The following DMBT1 variants were observed in gnomAD, a reference collection of about 807,000 sequenced individuals.
The protein encoded by DMBT1 is deleted in malignant brain tumors 1.
In DMBT1, 198 loss-of-function variants were observed where a neutral mutation model predicts 252.9. The ratio of observed to expected loss-of-function variants is 0.78; its 90% CI spans 0.70 to 0.88. DMBT1 has a LOEUF of 0.88. Among genes scored for constraint, DMBT1 ranks in the 40% least tolerant of loss-of-function variants. The pLI, the probability that DMBT1 is intolerant of heterozygous loss-of-function variation, is 0.00. For synonymous variants in DMBT1, 990 were observed against 942.7 expected (o/e 1.05, Z -0.92); for missense variants, 2,432 against 2,404.7 (o/e 1.01, Z -0.24).
chr10:122,577,469 C>A (rs546751378), intron 7 of DMBT1, among the ~76,000 whole-genome samples: 1 of 152,148 alleles, frequency 6.6e-6, no homozygotes, highest in Admixed American at 6.5e-5. Flanking sequence ...TCAGACTCAT[C>A]GCAGCTCAAG....
intron 25 of DMBT1, among the ~76,000 whole-genome samples, chr10:122,598,346 C>T (rs1034072149): frequency 3.9e-5 from 6 of 152,072 alleles, no homozygotes; most frequent in South Asian, 2.1e-4. Flanking sequence ...TGTGAAGAGT[C>T]GGTGGAAGTG....
chr10:122,625,797 A>C, intron 45 of DMBT1, 136 bp from the exon 46 acceptor site: 1 of 749,896 alleles, frequency 1.3e-6, no homozygotes, highest in Non-Finnish European at 2.4e-6. Flanking sequence ...GGCCATGAAC[A>C]GTGTAAACTG....
At chr10:122,590,640 T>A in intron 17 of DMBT1, 25 bp from the exon 18 acceptor site, 1 of 1,587,576 alleles carries the variant, frequency 6.3e-7, no homozygotes, top group Non-Finnish European at 8.6e-7. Flanking sequence ...ATAGTGCATC[T>A]GATCTGACCT....
intron 1 of DMBT1, 109 bp from the exon 2 acceptor site, chr10:122,565,858 C>T (rs1237114846): frequency 1.1e-5 from 12 of 1,051,616 alleles, no homozygotes; most frequent in Non-Finnish European, 1.6e-5. Flanking sequence ...CAAGATTGAG[C>T]CACAGCGCCC....
intron 25 of DMBT1, 137 bp from the exon 26 acceptor site, chr10:122,598,637 C>T (rs943369963): frequency 6.5e-6 from 10 of 1,534,578 alleles, no homozygotes; most frequent in Admixed American, 3.9e-5. Context: ...AGCTGAATCT[C>T]TGATTTTATT....
intron 26 of DMBT1, among the ~76,000 whole-genome samples, chr10:122,599,702 C>T (rs1177094215): frequency 6.6e-6 from 1 of 152,194 alleles, no homozygotes; most frequent in Non-Finnish European, 1.5e-5. Flanking sequence ...CAGGCATGGC[C>T]TTGTCATTGC....
At chr10:122,564,070 G>A (rs1348996340) in intron 1 of DMBT1, among the ~76,000 whole-genome samples, 8 of 152,184 alleles carry the variant, frequency 5.3e-5, no homozygotes, top group Non-Finnish European at 4.4e-5. Flanking sequence ...TTTCTATTGC[G>A]AGTTTCTTCT....
rs772557779 is a variant in DMBT1, at chr10:122,592,472, G to A, written c.2377G>A (p.Gly793Arg). 2 of 1,588,074 alleles carry A rather than the reference G, an allele frequency of 1.3e-6. No homozygotes were observed. The highest frequency in any genetic ancestry group is 1.7e-6 in the Non-Finnish European group (2 of 1,165,630). ...AAATGCCCGGTTTGGCCAGGGCTCAGGACCCATTGTTCTGGATGATGTGCG... is the reference window on the plus strand; with the variant it reads ...AAATGCCCGGTTTGGCCAGGGCTCAAGACCCATTGTTCTGGATGATGTGCG... ...PGNARFGQGS[G>R]PIVLDDVRCS... Residue 793 changes from glycine to arginine, a missense_variant, in exon 20 of 56, where the codon GGA becomes AGA. By Grantham distance (125) the Gly-to-Arg change is moderately radical. Coordinates refer to ENST00000338354, the MANE Select transcript of DMBT1 (RefSeq NM_001377530.1).
chr10:122,586,643 C>G (rs533122137), intron 16 of DMBT1, among the ~76,000 whole-genome samples: 7 of 148,208 alleles, frequency 4.7e-5, no homozygotes, highest in African/African-American at 7.3e-5. Flanking sequence ...AGGGAGAAGA[C>G]GAAAGCGCCG....
chr10:122,569,094 C>T (rs1312895532), intron 2 of DMBT1, among the ~76,000 whole-genome samples: 1 of 151,852 alleles, frequency 6.6e-6, no homozygotes, highest in Admixed American at 6.6e-5. Context: ...AAGGGATCAT[C>T]GGCCAGTCCT....
rs768172003 is a variant in DMBT1 at position 122,599,079 on chromosome 10, G to A, written c.3262G>A (p.Ala1088Thr). ...CCACAACTGTGGCCATAGTGAAGAC[G>A]CTGGTGTCATCTGCTCAGGTGGGCC... ...LSHNCGHSED[A>T]GVICSASQSR... Residue 1088 changes from alanine to threonine, a missense_variant, in exon 26 of 56, where the codon GCT (alanine) becomes ACT (threonine). Physicochemically the swap from Ala to Thr is moderately conservative, Grantham distance 58. Coordinates refer to ENST00000338354, the MANE Select transcript of DMBT1 (RefSeq NM_001377530.1). The A allele has an allele frequency of 1.2e-5, 20 of 1,613,722 alleles. No individual in the cohort carries two copies. The highest frequency in any genetic ancestry group is 4.5e-5 in the East Asian group (2 of 44,896).
At chr10:122,573,627 C>G in intron 5 of DMBT1, 88 bp from the exon 6 acceptor site, 1 of 1,492,374 alleles carries the variant, frequency 6.7e-7, no homozygotes, top group East Asian at 2.3e-5. Context: ...GTGCTTCCAG[C>G]CCTTGCTTCA....
At chr10:122,574,872 G>A (rs1334757219) in intron 6 of DMBT1, among the ~76,000 whole-genome samples, 2 of 152,192 alleles carry the variant, frequency 1.3e-5, no homozygotes, top group Admixed American at 6.5e-5. Flanking sequence ...CTCTTATCAG[G>A]AACTCTAGTG....
chr10:122,590,050 C>G (rs530768516), intron 17 of DMBT1, among the ~76,000 whole-genome samples: 3 of 148,248 alleles, frequency 2.0e-5, no homozygotes, highest in Non-Finnish European at 4.5e-5. Context: ...GGGGGACGGA[C>G]GATCTCACCG....
chr10:122,630,151 T>G (rs1363782012), intron 47 of DMBT1, 137 bp from the exon 48 acceptor site: 2 of 1,356,142 alleles, frequency 1.5e-6, no homozygotes, highest in East Asian at 4.6e-5. Context: ...GGAACACTGA[T>G]GTCCTTTGAC....
chr10:122,634,513 C>T (rs1171468519), intron 52 of DMBT1, among the ~76,000 whole-genome samples: 10 of 138,224 alleles, frequency 7.2e-5, no homozygotes, highest in Non-Finnish European at 9.3e-5. Context: ...TTTTTTTTTC[C>T]GGACATGGAG....
At chr10:122,575,526 G>A (rs1292560498) in intron 6 of DMBT1, among the ~76,000 whole-genome samples, 2 of 152,040 alleles carry the variant, frequency 1.3e-5, no homozygotes, top group Non-Finnish European at 1.5e-5. Flanking sequence ...TTTTTTTTGG[G>A]GGGGTGTGGT....
intron 55 of DMBT1, among the ~76,000 whole-genome samples, chr10:122,641,958 G>A (rs1204016438): frequency 6.6e-6 from 1 of 152,116 alleles, no homozygotes; most frequent in Non-Finnish European, 1.5e-5. Flanking sequence ...GGCATGTTAC[G>A]TTTAAAAAAT....
chr10:122,592,636 G>T, intron 20 of DMBT1, 41 bp downstream of exon 20: 2 of 1,585,904 alleles, frequency 1.3e-6, no homozygotes, highest in Non-Finnish European at 1.7e-6. Flanking sequence ...CTAGACTGGA[G>T]TTTGCTCAGG....
Sources: allele counts gnomAD v4.1 joint callset (sites outside exome capture counted in the v4.1 genomes callset), GRCh38; gene constraint gnomAD v4.1.1; transcripts MANE v1.5; gene names NCBI Gene and HGNC (gene_info 2026-07-23, HGNC 2026-07-21).